TCF4: variants seen among roughly 807,000 people sequenced by gnomAD.
TCF4 encodes the protein SL3-3 enhancer factor 2.
TCF4 carries 3 observed loss-of-function variants against 82.1 expected under a neutral mutation model. The observed-to-expected ratio is 0.04, with a 90% CI of 0.02 to 0.09. The LOEUF is 0.09. Ranked by LOEUF, TCF4 falls within the 10% of genes least tolerant of loss-of-function variation. TCF4 has a pLI of 1.00. For synonymous variants in TCF4, 276 were observed against 309.6 expected (o/e 0.89, Z 1.14); for missense variants, 518 against 852.7 (o/e 0.61, Z 4.89).
rs2059998413 is a variant in TCF4 at position 55,269,970 on chromosome 18, C to G, written c.790-7G>C. ...AGGAGTGTGATGGATAGCTCTATAG[C>G]AAGAAGCAGAAAAAGGTGGCCATAT... On this transcript the variant is annotated splice_polypyrimidine_tract_variant and splice_region_variant and intron_variant, in intron 10 of 19. Coordinates refer to ENST00000354452, the MANE Select transcript of TCF4 (RefSeq NM_001083962.2). The G allele has an allele frequency of 1.2e-6, 2 of 1,612,936 alleles. No individual in the cohort carries two copies. Among genetic ancestry groups the G allele is most frequent in the Non-Finnish European group, 1.7e-6 (2 of 1,179,262 alleles).
At chr18:55,572,871 C>T (rs1004045209) in intron 3 of TCF4, among the ~76,000 whole-genome samples, 13 of 151,936 alleles carry the variant, frequency 8.6e-5, no homozygotes, top group African/African-American at 2.7e-4. Context: ...CTGACCAACA[C>T]GGAGAAACCC....
At chr18:55,342,787 G>A (rs2080283103) in intron 8 of TCF4, among the ~76,000 whole-genome samples, 1 of 152,120 alleles carries the variant, frequency 6.6e-6, no homozygotes, top group Admixed American at 6.6e-5. Context: ...TTATTGTACT[G>A]TGTTAATGTA....
chr18:55,443,354 G>A (rs900883954), intron 5 of TCF4, among the ~76,000 whole-genome samples: 1 of 152,074 alleles, frequency 6.6e-6, no homozygotes, highest in African/African-American at 2.4e-5. Context: ...GTCTAATATG[G>A]GCATTCCTTG....
intron 3 of TCF4, among the ~76,000 whole-genome samples, chr18:55,563,333 A>G (rs1481814046): frequency 6.6e-6 from 1 of 152,140 alleles, no homozygotes; most frequent in Non-Finnish European, 1.5e-5. Context: ...GTAACTTCAC[A>G]GAGAGTCCAC....
intron 6 of TCF4, among the ~76,000 whole-genome samples, chr18:55,399,110 CTATTT>C (rs2093657202): frequency 6.6e-6 from 1 of 152,190 alleles, no homozygotes; most frequent in Non-Finnish European, 1.5e-5. Context: ...TACATCCTTT[CTATTT>C]TGACTTTAGA....
chr18:55,605,874 C>A (rs567808982), intron 2 of TCF4, among the ~76,000 whole-genome samples: 1 of 152,306 alleles, frequency 6.6e-6, no homozygotes, highest in African/African-American at 2.4e-5. Context: ...TTCACTTTTG[C>A]TGTGCTGCTT....
intron 5 of TCF4, among the ~76,000 whole-genome samples, chr18:55,458,844 T>C (rs950595121): frequency 1.3e-5 from 2 of 152,206 alleles, no homozygotes; most frequent in African/African-American, 4.8e-5. Flanking sequence ...TTTTCCATTT[T>C]TTTTGCATAC....
At position 55,633,330 on chromosome 18, in the gene TCF4, A is replaced by G. The variant is rs1603625789; in HGVS notation, c.196-1942T>C. 1.3e-5 allele frequency among the ~76,000 whole-genome samples: 2 copies of G among 152,100 alleles called. No individual in the cohort carries two copies. The highest frequency in any genetic ancestry group is 1.3e-4 in the Admixed American group (2 of 15,276). Reference sequence around the variant, plus strand: ...TGGCAGGAGGCCTCAGCTTCTCTCCATGTGGGACTCGCCACAGTCTGCTTG... The same window carrying G: ...TGGCAGGAGGCCTCAGCTTCTCTCCGTGTGGGACTCGCCACAGTCTGCTTG... On this transcript the variant is annotated intron_variant, in intron 1 of 20. Transcript: ENST00000398339. The surrounding 1 kb of genome is among the most constrained non-coding windows in gnomAD (Gnocchi z 4.0).
intron 6 of TCF4, among the ~76,000 whole-genome samples, chr18:55,392,496 G>A (rs1603441486): frequency 6.8e-6 from 1 of 147,978 alleles, no homozygotes. Flanking sequence ...ATCACTGCTT[G>A]ATTTTCGATT....
Position 55,260,908 on chromosome 18 carries a change from C to A in TCF4, c.990+558G>T, listed in dbSNP as rs377475008. Among the ~76,000 whole-genome samples the A allele has an allele frequency of 2.6e-4, 40 of 152,134 alleles. No homozygotes were observed. In the East Asian group the frequency reaches 4.4e-3, roughly 17 times the overall value. Reference sequence around the variant, plus strand: ...CATGTTTAGCTTTTGACTAAAATACCAGATATACTCTCTGAGACAATGAAG... The same window carrying A: ...CATGTTTAGCTTTTGACTAAAATACAAGATATACTCTCTGAGACAATGAAG... On this transcript the variant is annotated intron_variant, in intron 12 of 19. Transcript: ENST00000354452.
intron 3 of TCF4, among the ~76,000 whole-genome samples, chr18:55,494,906 A>G (rs1428287196): frequency 6.6e-6 from 1 of 151,992 alleles, no homozygotes; most frequent in Non-Finnish European, 1.5e-5. Flanking sequence ...ATACTAATAG[A>G]AAGGAGTACC....
intron 6 of TCF4, among the ~76,000 whole-genome samples, chr18:55,374,348 G>GA (rs527463496): frequency 7.8e-4 from 113 of 144,246 alleles, no homozygotes; most frequent in Non-Finnish European, 1.1e-3. Context: ...GAAGGTACTT[G>GA]AAAAAAAAAA....
intron 3 of TCF4, among the ~76,000 whole-genome samples, chr18:55,502,095 A>G (rs138014245): frequency 6.6e-6 from 1 of 152,328 alleles, no homozygotes; most frequent in East Asian, 1.9e-4. Flanking sequence ...AGGTAGATAT[A>G]CTAACTATGA....
chr18:55,309,977 C>T lies in TCF4; in HGVS notation c.550-30321G>A, dbSNP rs552671209. Among the ~76,000 whole-genome samples the T allele has an allele frequency of 4.6e-5, 7 of 152,244 alleles. No individual in the cohort carries two copies. In the South Asian group the frequency reaches 1.5e-3, roughly 32 times the overall value. ...AAAAAATTACCATAAAAATAGTAATCTTTATTACTTGTCTGGCACACAAAA... is the reference window on the plus strand; with the variant it reads ...AAAAAATTACCATAAAAATAGTAATTTTTATTACTTGTCTGGCACACAAAA... On this transcript the variant is annotated intron_variant, in intron 8 of 19. Coordinates refer to ENST00000354452, the MANE Select transcript of TCF4 (RefSeq NM_001083962.2).
chr18:55,358,832 A>G (rs2145099877), intron 6 of TCF4, among the ~76,000 whole-genome samples: 1 of 152,302 alleles, frequency 6.6e-6, no homozygotes, highest in African/African-American at 2.4e-5. Context: ...CAATCTGTCT[A>G]ACCTTGGTGG....
intron 8 of TCF4, among the ~76,000 whole-genome samples, chr18:55,300,263 T>C (rs1038663749): frequency 6.6e-6 from 1 of 152,184 alleles, no homozygotes; most frequent in Non-Finnish European, 1.5e-5. Flanking sequence ...TTCTTAACTG[T>C]GGTACACTTC....
intron 6 of TCF4, among the ~76,000 whole-genome samples, chr18:55,377,057 G>A (rs1451476978): frequency 1.3e-5 from 2 of 152,178 alleles, no homozygotes; most frequent in Non-Finnish European, 2.9e-5. Flanking sequence ...CACTTTCAGA[G>A]CCATTGCCTA....
chr18:55,451,518 C>T (rs1156834057), intron 5 of TCF4, among the ~76,000 whole-genome samples: 1 of 152,182 alleles, frequency 6.6e-6, no homozygotes, highest in African/African-American at 2.4e-5. Context: ...GTAAGATGTG[C>T]ACTGCTCAAA....
chr18:55,308,789 C>T (rs1368420371), intron 8 of TCF4, among the ~76,000 whole-genome samples: 1 of 152,218 alleles, frequency 6.6e-6, no homozygotes, highest in African/African-American at 2.4e-5. Context: ...TCAATTCTTA[C>T]ATCAGATATT....
Sources: gnomAD v4.1 joint callset for allele counts (sites outside exome capture counted in the v4.1 genomes callset) on GRCh38, gnomAD v4.1.1 for gene constraint, Gnocchi (gnomAD v3.1) non-coding constraint, MANE v1.5 for transcripts, NCBI Gene and HGNC (gene_info 2026-07-23, HGNC 2026-07-21) for gene names.